Variants in ADAMTS19 observed in about 807,000 individuals in gnomAD.
ADAMTS19 encodes the protein A disintegrin and metalloproteinase with thrombospondin motifs 19.
ADAMTS19 carries 93 observed loss-of-function variants against 153.3 expected under a neutral mutation model. The observed-to-expected ratio is 0.61, with a 90% CI of 0.51 to 0.72. The LOEUF is 0.72. Among genes scored for constraint, ADAMTS19 ranks in the 30% least tolerant of loss-of-function variants. The pLI, the probability that ADAMTS19 is intolerant of heterozygous loss-of-function variation, is 0.00. For missense variants in ADAMTS19, 1,482 were observed against 1,552.1 expected (o/e 0.95, Z 0.76); for synonymous variants, 600 against 556.6 (o/e 1.08, Z -1.10).
At chr5:129,541,231 G>A (rs1354375304) in intron 6 of ADAMTS19, among the ~76,000 whole-genome samples, 2 of 151,174 alleles carry the variant, frequency 1.3e-5, no homozygotes, top group Admixed American at 1.3e-4. Context: ...ACAGAAATTG[G>A]CTACGTGGTG....
At chr5:129,576,152 T>C (rs1322123287) in intron 7 of ADAMTS19, among the ~76,000 whole-genome samples, 3 of 151,976 alleles carry the variant, frequency 2.0e-5, no homozygotes, top group Non-Finnish European at 4.4e-5. Context: ...GAATGTGTTC[T>C]TTACTATGAC....
At chr5:129,462,880 T>G (rs929526025) in intron 2 of ADAMTS19, among the ~76,000 whole-genome samples, 2 of 152,086 alleles carry the variant, frequency 1.3e-5, no homozygotes, top group Non-Finnish European at 2.9e-5. Flanking sequence ...AGCAAACTGC[T>G]CATTTGGAGA....
chr5:129,464,832 C>A (rs944868236), intron 2 of ADAMTS19, among the ~76,000 whole-genome samples: 2 of 152,030 alleles, frequency 1.3e-5, no homozygotes, highest in Non-Finnish European at 2.9e-5. Flanking sequence ...TTTGTTTGTT[C>A]TGATTAGTGT....
intron 21 of ADAMTS19, 130 bp from the exon 22 acceptor site, chr5:129,734,802 T>G: frequency 1.3e-6 from 1 of 796,056 alleles, no homozygotes; most frequent in Admixed American, 3.8e-5. Flanking sequence ...ATGTTTTGCA[T>G]TGACTGTGGA....
chr5:129,709,001 A>G (rs1011282890), intron 21 of ADAMTS19, among the ~76,000 whole-genome samples: 45 of 152,256 alleles, frequency 3.0e-4, no homozygotes, highest in Middle Eastern at 3.4e-3. Flanking sequence ...TTTAGAAGTG[A>G]TAGATACAAA....
chr5:129,704,624 T>C (rs1336963578), intron 21 of ADAMTS19, among the ~76,000 whole-genome samples: 1 of 152,176 alleles, frequency 6.6e-6, no homozygotes, highest in Admixed American at 6.6e-5. Context: ...CAAAGGAAGC[T>C]ATCAAAAAAT....
chr5:129,528,374 C>A (rs183215537), intron 5 of ADAMTS19, 146 bp from the exon 6 acceptor site: 76 of 543,430 alleles, frequency 1.4e-4, no homozygotes, highest in Admixed American at 2.6e-4. Flanking sequence ...GTAAATTAAA[C>A]CTGCATGTCT....
chr5:129,668,667 A>T (rs1360936144), intron 16 of ADAMTS19, among the ~76,000 whole-genome samples: 1 of 152,132 alleles, frequency 6.6e-6, no homozygotes, highest in East Asian at 1.9e-4. Context: ...GGGGGGGGAC[A>T]CAAATATTCA....
chr5:129,517,909 CT>C (rs1432597207), intron 3 of ADAMTS19, among the ~76,000 whole-genome samples: 3 of 151,894 alleles, frequency 2.0e-5, no homozygotes, highest in Non-Finnish European at 4.4e-5. Flanking sequence ...GTGATTTTCT[CT>C]GATTATATGA....
chr5:129,710,092 A>C (rs1237430799), intron 21 of ADAMTS19, among the ~76,000 whole-genome samples: 1 of 151,978 alleles, frequency 6.6e-6, no homozygotes. Flanking sequence ...TAAGCCCTGC[A>C]TGTATTAGCT....
intron 3 of ADAMTS19, among the ~76,000 whole-genome samples, chr5:129,509,735 G>A (rs1354598290): frequency 6.6e-5 from 10 of 151,880 alleles, no homozygotes; most frequent in African/African-American, 1.7e-4. Flanking sequence ...AGATTTATAC[G>A]TTCGAATTTT....
In ADAMTS19 at chr5:129,600,746, A is replaced by G. The variant is rs141637514; in HGVS notation, c.1478+4082A>G. 3.3e-3 allele frequency among the ~76,000 whole-genome samples: 506 copies of G among 152,266 alleles called. 1 individual carries two copies. Among genetic ancestry groups the G allele is most frequent in the African/African-American group, 0.011 (448 of 41,546 alleles). On this transcript the variant is annotated intron_variant, in intron 8 of 22. Transcript: ENST00000274487. ...GCAAATTATCAACTTATAAATATATAAAAAAGTGTAAATTAAGATCTACAG... is the reference window on the plus strand; with the variant it reads ...GCAAATTATCAACTTATAAATATATGAAAAAGTGTAAATTAAGATCTACAG...
At chr5:129,598,480 G>A (rs1032436547) in intron 8 of ADAMTS19, among the ~76,000 whole-genome samples, 1 of 152,150 alleles carries the variant, frequency 6.6e-6, no homozygotes, top group African/African-American at 2.4e-5. Flanking sequence ...TGATCAAATT[G>A]TAATTACACA....
At chr5:129,638,118 G>A (rs1752614389) in intron 10 of ADAMTS19, among the ~76,000 whole-genome samples, 1 of 151,934 alleles carries the variant, frequency 6.6e-6, no homozygotes, top group Non-Finnish European at 1.5e-5. Context: ...AATCCTAAAG[G>A]AAAAGTTAAA....
chr5:129,724,786 T>G (rs73785263), intron 21 of ADAMTS19, among the ~76,000 whole-genome samples: 1 of 152,024 alleles, frequency 6.6e-6, no homozygotes, highest in Non-Finnish European at 1.5e-5. Flanking sequence ...AGAGATTGGT[T>G]GGACCCAGTG....
chr5:129,691,212 T>C (rs1222585128), intron 18 of ADAMTS19, among the ~76,000 whole-genome samples: 1 of 152,180 alleles, frequency 6.6e-6, no homozygotes, highest in Non-Finnish European at 1.5e-5. Context: ...TTACCCTTCA[T>C]TTTCAGATAT....
chr5:129,723,323 G>A (rs924762884), intron 21 of ADAMTS19, among the ~76,000 whole-genome samples: 5 of 152,040 alleles, frequency 3.3e-5, no homozygotes, highest in South Asian at 4.1e-4. Context: ...AAAGTCATTC[G>A]GCTCTTATTA....
At chr5:129,539,324 A>G (rs758444506) in intron 6 of ADAMTS19, among the ~76,000 whole-genome samples, 6 of 152,232 alleles carry the variant, frequency 3.9e-5, no homozygotes, top group Non-Finnish European at 7.4e-5. Flanking sequence ...GGAAGATGCT[A>G]TAAACCCAGT....
chr5:129,653,299 G>A (rs752618692), intron 13 of ADAMTS19, among the ~76,000 whole-genome samples: 4 of 152,172 alleles, frequency 2.6e-5, no homozygotes, highest in African/African-American at 7.2e-5. Context: ...CAATAGAGTA[G>A]TAATGTAGCA....
Sources: gnomAD v4.1 joint callset for allele counts (sites outside exome capture counted in the v4.1 genomes callset) on GRCh38, gnomAD v4.1.1 for gene constraint, MANE v1.5 for transcripts, NCBI Gene and HGNC (gene_info 2026-07-23, HGNC 2026-07-21) for gene names.